Variants in GABRG3 observed in about 807,000 individuals in gnomAD.
GABRG3 encodes gamma-aminobutyric acid receptor subunit gamma-3.
In GABRG3, 25 loss-of-function variants were observed where a neutral mutation model predicts 48.8. The observed-to-expected ratio is 0.51, with a 90% confidence interval of 0.37 to 0.72. The LOEUF (loss-of-function observed/expected upper bound fraction) is 0.72, where lower values mean the gene tolerates loss of function less well. Among genes scored for constraint, GABRG3 ranks in the 30% least tolerant of loss-of-function variants. The pLI, the probability that GABRG3 is intolerant of heterozygous loss-of-function variation, is 0.00. For missense variants in GABRG3, 394 were observed against 577.9 expected, an observed-to-expected ratio of 0.68 and a Z score of 3.26; for synonymous variants, 227 against 217.6, an observed-to-expected ratio of 1.04 and a Z score of -0.38.
rs34201070 is a variant in GABRG3 at position 26,974,715 on chromosome 15, C to T, written c.54-2287C>T. Among the ~76,000 whole-genome samples the T allele has an allele frequency of 0.5, 76,002 of 151,734 alleles. 19,572 individuals are homozygous for T. Among genetic ancestry groups the T allele is most frequent in the African/African-American group, 0.62 (25,836 of 41,358 alleles). On this transcript the variant is annotated intron_variant, in intron 1 of 9. Coordinates refer to ENST00000615808, the MANE Select transcript of GABRG3 (RefSeq NM_033223.5). This position sits in a 1 kb window ranked among gnomAD's most constrained non-coding sequence, Gnocchi z 4.3. ...TGCTGTGGAGTGATTTGCCCTGTCC[C>T]GTGGGCAGTGCTTGATTCCCAGCTA...
At chr15:27,011,069 C>T (rs112875097) in intron 2 of GABRG3, among the ~76,000 whole-genome samples, 4,063 of 152,072 alleles carry the variant, frequency 0.027, 175 homozygotes, top group African/African-American at 0.09. Flanking sequence ...GACAGCTGGA[C>T]TCGAACTGGC....
chr15:27,066,094 T>C (rs2140728680), intron 3 of GABRG3, among the ~76,000 whole-genome samples: 1 of 152,366 alleles, frequency 6.6e-6, no homozygotes, highest in Non-Finnish European at 1.5e-5. Flanking sequence ...CTGTTTGCAA[T>C]GATTAAACAT....
intron 6 of GABRG3, among the ~76,000 whole-genome samples, chr15:27,507,337 C>T (rs1326548085): frequency 6.6e-6 from 1 of 151,976 alleles, no homozygotes; most frequent in Non-Finnish European, 1.5e-5. Flanking sequence ...AACCCCATAT[C>T]TACTAAAAAT....
chr15:27,241,215 G>T (rs181298869), intron 3 of GABRG3, among the ~76,000 whole-genome samples: 6 of 152,226 alleles, frequency 3.9e-5, no homozygotes, highest in Admixed American at 2.0e-4. Flanking sequence ...GGTACCCGAG[G>T]TCACAACAGG....
intron 3 of GABRG3, among the ~76,000 whole-genome samples, chr15:27,200,398 A>G (rs913685117): frequency 3.3e-5 from 5 of 152,182 alleles, no homozygotes; most frequent in African/African-American, 9.7e-5. Context: ...GGAGTTTTAC[A>G]TGAAGTAAAA....
At chr15:27,237,678 T>A (rs1241700498) in intron 3 of GABRG3, among the ~76,000 whole-genome samples, 1 of 152,216 alleles carries the variant, frequency 6.6e-6, no homozygotes, top group African/African-American at 2.4e-5. Flanking sequence ...GAAGCAACAG[T>A]GCATGGTTTC....
intron 3 of GABRG3, among the ~76,000 whole-genome samples, chr15:27,142,733 C>T (rs1898127477): frequency 1.3e-5 from 2 of 151,924 alleles, no homozygotes; most frequent in South Asian, 4.1e-4. Context: ...CACTTTATCC[C>T]TTCATGTTGA....
chr15:27,005,105 G>A (rs1895557659), intron 2 of GABRG3, among the ~76,000 whole-genome samples: 1 of 152,164 alleles, frequency 6.6e-6, no homozygotes, highest in African/African-American at 2.4e-5. Context: ...TGGTATAACA[G>A]TTTTAGAAAT....
intron 5 of GABRG3, among the ~76,000 whole-genome samples, chr15:27,412,486 CTCAT>C (rs1887827091): frequency 6.6e-6 from 1 of 152,188 alleles, no homozygotes; most frequent in Non-Finnish European, 1.5e-5. Context: ...TTATCTGATA[CTCAT>C]TCAGATTGTT....
intron 6 of GABRG3, among the ~76,000 whole-genome samples, chr15:27,515,247 C>A (rs1301787568): frequency 6.6e-6 from 1 of 151,926 alleles, no homozygotes; most frequent in Non-Finnish European, 1.5e-5. Context: ...CATCCACCAC[C>A]ACACCCAACT....
intron 6 of GABRG3, among the ~76,000 whole-genome samples, chr15:27,488,122 C>T (rs1193824256): frequency 6.6e-6 from 1 of 152,144 alleles, no homozygotes; most frequent in Non-Finnish European, 1.5e-5. Context: ...TGCCCACATC[C>T]TAGCAAGCGC....
intron 2 of GABRG3, among the ~76,000 whole-genome samples, chr15:26,999,131 G>GA (rs531382705): frequency 0.024 from 2,267 of 95,308 alleles, 32 homozygotes; most frequent in African/African-American, 0.07. Context: ...GAAAATATTT[G>GA]AAAAAAAAAA....
At chr15:27,190,443 G>A (rs1404583217) in intron 3 of GABRG3, among the ~76,000 whole-genome samples, 4 of 152,088 alleles carry the variant, frequency 2.6e-5, no homozygotes, top group African/African-American at 9.7e-5. Flanking sequence ...CTTTTTCCTG[G>A]TTTAGTCTTG....
intron 3 of GABRG3, among the ~76,000 whole-genome samples, chr15:27,297,001 A>G (rs1892014769): frequency 6.6e-6 from 1 of 152,116 alleles, no homozygotes; most frequent in African/African-American, 2.4e-5. Flanking sequence ...GAAGACAGTG[A>G]TATGGAAAAT....
chr15:27,097,545 A>G (rs1191963887), intron 3 of GABRG3, among the ~76,000 whole-genome samples: 2 of 151,106 alleles, frequency 1.3e-5, no homozygotes, highest in Non-Finnish European at 2.9e-5. Flanking sequence ...CCTTTTTCCA[A>G]CCACTCCCAA....
At chr15:27,394,164 C>T (rs549044746) in intron 5 of GABRG3, among the ~76,000 whole-genome samples, 27 of 151,930 alleles carry the variant, frequency 1.8e-4, no homozygotes, top group Non-Finnish European at 3.5e-4. Flanking sequence ...CATTTTTGTT[C>T]CTCTCACTGC....
intron 5 of GABRG3, among the ~76,000 whole-genome samples, chr15:27,378,119 A>G (rs1895655705): frequency 6.6e-6 from 1 of 152,238 alleles, no homozygotes; most frequent in African/African-American, 2.4e-5. Context: ...AAGAAAAAAA[A>G]AAACATTTTA....
chr15:27,186,994 C>T (rs567472203), intron 3 of GABRG3, among the ~76,000 whole-genome samples: 3 of 152,164 alleles, frequency 2.0e-5, no homozygotes, highest in East Asian at 3.9e-4. Context: ...AATTCTTTGC[C>T]ACAACTGATA....
intron 3 of GABRG3, among the ~76,000 whole-genome samples, chr15:27,065,219 T>C (rs1896717518): frequency 6.6e-6 from 1 of 152,196 alleles, no homozygotes; most frequent in Non-Finnish European, 1.5e-5. Flanking sequence ...AATGAATGAA[T>C]ACTAAGTGAA....
Sources: gnomAD v4.1 joint callset for allele counts (sites outside exome capture counted in the v4.1 genomes callset) on GRCh38, gnomAD v4.1.1 for gene constraint, Gnocchi (gnomAD v3.1) non-coding constraint, MANE v1.5 for transcripts, NCBI Gene and HGNC (gene_info 2026-07-23, HGNC 2026-07-21) for gene names.